TUSC3: variants seen among roughly 807,000 people sequenced by gnomAD.
TUSC3 encodes tumor suppressor candidate 3.
Under a neutral mutation model 44.8 loss-of-function variants are expected in TUSC3, and 45 were observed. The ratio of observed to expected loss-of-function variants is 1.00; its 90% CI spans 0.79 to 1.29. The LOEUF is 1.29. TUSC3 is among the 50% of genes most tolerant of loss of function. TUSC3 has a pLI of 0.00. For missense variants in TUSC3, 519 were observed against 437.9 expected, an observed-to-expected ratio of 1.19 and a Z score of -1.65; for synonymous variants, 212 against 152.9, an observed-to-expected ratio of 1.39 and a Z score of -2.85.
intron 1 of TUSC3, among the ~76,000 whole-genome samples, chr8:15,470,503 C>G (rs1800476042): frequency 6.6e-6 from 1 of 152,024 alleles, no homozygotes; most frequent in Admixed American, 6.6e-5. Flanking sequence ...ATGTACCATT[C>G]TGATGTGTGA....
At chr8:15,497,909 C>T (rs540185477) in intron 2 of TUSC3, among the ~76,000 whole-genome samples, 1 of 151,964 alleles carries the variant, frequency 6.6e-6, no homozygotes, top group African/African-American at 2.4e-5. Flanking sequence ...CCACCATGCC[C>T]AGCTAATTTT....
intron 6 of TUSC3, among the ~76,000 whole-genome samples, chr8:15,712,468 C>A (rs558189395): frequency 6.6e-6 from 1 of 152,112 alleles, no homozygotes; most frequent in African/African-American, 2.4e-5. Context: ...AGTTTCTCCC[C>A]TTCTCTTATT....
At chr8:15,505,782 C>T (rs1393170263) in intron 2 of TUSC3, among the ~76,000 whole-genome samples, 1 of 152,018 alleles carries the variant, frequency 6.6e-6, no homozygotes, top group Non-Finnish European at 1.5e-5. Context: ...GTTTTAAACC[C>T]TACAGAGTAA....
At position 15,637,678 on chromosome 8, in the gene TUSC3, T is replaced by C. The variant is rs560435166; in HGVS notation, c.309-13019T>C. Among the ~76,000 whole-genome samples, 40 of 152,186 alleles carry C rather than the reference T, an allele frequency of 2.6e-4. 1 individual carries two copies. In the South Asian group the frequency reaches 8.3e-3, roughly 32 times the overall value. On this transcript the variant is annotated intron_variant, in intron 2 of 10. Coordinates refer to ENST00000503731, the MANE Select transcript of TUSC3 (RefSeq NM_006765.4). ...AAACTTTTTTTTTACCCCTTTCCTA[T>C]ACCAGACCAGAAACCATAGTTTATA... is the stretch of plus-strand genomic sequence containing the variant.
At chr8:15,487,984 T>A (rs1800755495) in intron 2 of TUSC3, among the ~76,000 whole-genome samples, 1 of 151,650 alleles carries the variant, frequency 6.6e-6, no homozygotes, top group African/African-American at 2.4e-5. Flanking sequence ...TGATCTGAAC[T>A]CTATTCCTTA....
chr8:15,534,114 C>T (rs946516127), intron 2 of TUSC3, among the ~76,000 whole-genome samples: 1 of 152,094 alleles, frequency 6.6e-6, no homozygotes, highest in Non-Finnish European at 1.5e-5. Context: ...CCCAGTTTGA[C>T]TTTTCCCTTT....
chr8:15,790,328 G>A, the TUSC3 span, among the ~76,000 whole-genome samples: 1 of 151,844 alleles, frequency 6.6e-6, no homozygotes, highest in Non-Finnish European at 1.5e-5. Context: ...TGGGACTACA[G>A]GCACATGCCA....
chr8:15,638,168 G>A (rs1411247780), intron 2 of TUSC3, among the ~76,000 whole-genome samples: 6 of 141,172 alleles, frequency 4.3e-5, no homozygotes, highest in South Asian at 5.0e-4. Flanking sequence ...CACCCCCGCC[G>A]CCCCCCGTAT....
chr8:15,624,127 C>A (rs112638625), intron 2 of TUSC3, among the ~76,000 whole-genome samples: 1 of 152,102 alleles, frequency 6.6e-6, no homozygotes, highest in Non-Finnish European at 1.5e-5. Context: ...TAAAAAAATA[C>A]GTCCAAGTTG....
chr8:15,581,110 C>G (rs1233125150), intron 1 of TUSC3, among the ~76,000 whole-genome samples: 1 of 131,296 alleles, frequency 7.6e-6, no homozygotes, highest in Non-Finnish European at 1.6e-5. Flanking sequence ...TTGATCGCAT[C>G]GGCTCCTGAG....
At chr8:15,673,617 A>C in intron 5 of TUSC3, 130 bp from the exon 6 acceptor site, 1 of 779,866 alleles carries the variant, frequency 1.3e-6, no homozygotes, top group Non-Finnish European at 2.2e-6. Flanking sequence ...TAATAAGTGA[A>C]ATTTTTTAAA....
intron 10 of TUSC3, 139 bp downstream of exon 10, chr8:15,757,994 A>C: frequency 2.1e-6 from 3 of 1,462,326 alleles, no homozygotes; most frequent in Non-Finnish European, 2.7e-6. Context: ...GAGATTCCAT[A>C]TTCCAGTCTT....
chr8:15,811,309 A>G, the TUSC3 span, among the ~76,000 whole-genome samples: 8 of 152,242 alleles, frequency 5.3e-5, no homozygotes, highest in Admixed American at 3.3e-4. Flanking sequence ...CACATCGTCA[A>G]TTGTCCACAT....
chr8:15,790,564 G>A, the TUSC3 span, among the ~76,000 whole-genome samples: 17 of 152,132 alleles, frequency 1.1e-4, no homozygotes, highest in South Asian at 8.3e-4. Flanking sequence ...AGAGGTTGCC[G>A]TCAGTGCCAC....
In TUSC3 at chr8:15,485,591, T is replaced by A. The variant is rs6530875; in HGVS notation, n.189+2108T>A. On this transcript the variant is annotated intron_variant and non_coding_transcript_variant, in intron 2 of 5. Transcript: ENST00000503191. ...GCTAAACAAAGAGACAGATACCTAA[T>A]CATGGGTACTTTCCCAAGGAGAAAT... Among the ~76,000 whole-genome samples the A allele has an allele frequency of 6.8e-3, 1,023 of 151,476 alleles. 13 individuals are homozygous for A. Among genetic ancestry groups the A allele is most frequent in the African/African-American group, 0.023 (961 of 41,254 alleles).
At position 15,446,103 on chromosome 8, in the gene TUSC3, CAG is replaced by C. The variant is rs555824813; in HGVS notation, n.91+28802_91+28803del. 1.3e-4 allele frequency among the ~76,000 whole-genome samples: 19 copies of C among 145,840 alleles called. 1 individual carries two copies. The South Asian group carries it at 3.8e-3, about 29-fold the overall frequency. The stretch of plus-strand genomic sequence containing the variant: ...CCTCCCAGACGGGGTGGCGGTTGGG[CAG>C]AGACACTCCTCAGATCCCAGACGGG... On this transcript the variant is annotated intron_variant and non_coding_transcript_variant, in intron 1 of 5. Coordinates refer to the TUSC3 transcript ENST00000503191.
intron 1 of TUSC3, among the ~76,000 whole-genome samples, chr8:15,446,819 CT>C (rs1360035027): frequency 6.8e-6 from 1 of 146,970 alleles, no homozygotes; most frequent in African/African-American, 2.5e-5. Flanking sequence ...AAGACATGGC[CT>C]CTTTAAAGGA....
rs572287688 is a variant in TUSC3, at chr8:15,635,496, T to G, written c.308+12247T>G. 1.7e-4 allele frequency among the ~76,000 whole-genome samples: 26 copies of G among 152,302 alleles called. No homozygotes were observed. In the East Asian group the frequency reaches 3.9e-3, roughly 23 times the overall value. On this transcript the variant is annotated intron_variant, in intron 2 of 10. Transcript: ENST00000503731. ...GGCAAAAGGCACAGTATTATTAGAC[T>G]GTAATATAGTCCAGAGAGCCAGAAA...
At chr8:15,579,120 T>C (rs151238001) in intron 1 of TUSC3, among the ~76,000 whole-genome samples, 20,195 of 151,780 alleles carry the variant, frequency 0.13, 1,393 homozygotes, top group African/African-American at 0.21. Flanking sequence ...GTTTGTAGTA[T>C]TCTCTGATAT....
Sources: allele counts gnomAD v4.1 joint callset (sites outside exome capture counted in the v4.1 genomes callset), GRCh38; gene constraint gnomAD v4.1.1; transcripts MANE v1.5; gene names NCBI Gene and HGNC (gene_info 2026-07-23, HGNC 2026-07-21).